DDI2: variants seen among roughly 807,000 people sequenced by gnomAD.
The protein encoded by DDI2 is DDI proteasomal shuttling factor 2.
A neutral mutation model predicts 48.1 loss-of-function variants in DDI2; 5 were observed. The observed-to-expected ratio is 0.10, with a 90% confidence interval of 0.05 to 0.22. The LOEUF (loss-of-function observed/expected upper bound fraction) is 0.22. Among genes scored for constraint, DDI2 ranks in the 10% least tolerant of loss-of-function variants. DDI2 has a pLI of 1.00. For missense variants in DDI2, 285 were observed against 506.2 expected, an observed-to-expected ratio of 0.56 and a Z score of 4.19; for synonymous variants, 205 against 183.6, an observed-to-expected ratio of 1.12 and a Z score of -0.94.
chr1:15,659,768 C>T (rs961141296), intron 9 of DDI2, 69 bp from the exon 10 acceptor site: 2 of 1,439,088 alleles, frequency 1.4e-6, no homozygotes, highest in African/African-American at 2.8e-5. Flanking sequence ...AGATTTGTAT[C>T]CTCTGGTAAT....
chr1:15,633,417 T>G (rs760459097), intron 3 of DDI2, 22 bp from the exon 4 acceptor site: 8 of 1,608,254 alleles, frequency 5.0e-6, no homozygotes, highest in Non-Finnish European at 6.8e-6. Context: ...ATATTTAAGA[T>G]TTTTCTCCCT....
At position 15,646,600 on chromosome 1, in the gene DDI2, T is replaced by G. The variant is rs369586425; in HGVS notation, c.889+2950T>G. ...TATTCGGGAGGCTGAGGCAGGAGAATCGCTTGAACCTGGGAGGCAGAGGTT... is the reference window on the plus strand; with the variant it reads ...TATTCGGGAGGCTGAGGCAGGAGAAGCGCTTGAACCTGGGAGGCAGAGGTT... On this transcript the variant is annotated intron_variant, in intron 6 of 9. Transcript: ENST00000480945. 3.9e-4 allele frequency among the ~76,000 whole-genome samples: 60 copies of G among 152,156 alleles called. 3 individuals carry two copies. Among genetic ancestry groups the G allele is most frequent in the East Asian group, 3.7e-3 (19 of 5,188 alleles).
Position 15,665,722 on chromosome 1 carries a change from T to A in DDI2, c.*5932T>A, listed in dbSNP as rs1024356717. On this transcript the variant is annotated 3_prime_UTR_variant, in exon 10 of 10. Transcript: ENST00000480945. Reference sequence around the variant, plus strand: ...GGTGGCTTTTATCCCGCCACATATATAAATATATATATATATAGCAAACAG... The same window carrying A: ...GGTGGCTTTTATCCCGCCACATATAAAAATATATATATATATAGCAAACAG... 6.6e-6 allele frequency: 1 copy of A among 151,908 alleles called. No individual in the cohort carries two copies. Among genetic ancestry groups the A allele is most frequent in the African/African-American group, 2.4e-5 (1 of 41,242 alleles). The allele number at this position is 151,908 out of a possible 1,614,324, so 9.4% of individuals were successfully genotyped here. A position where few individuals can be genotyped will look rare whatever the true frequency, so the allele number is the denominator to read the frequency against.
rs1640465660 is a variant in DDI2, at chr1:15,667,168, CTG to C, written c.*7380_*7381del. On this transcript the variant is annotated 3_prime_UTR_variant, in exon 10 of 10. Transcript: ENST00000480945. ...GTTGCAGTGAGCCGGGATCACGTCA[CTG>C]TACTCCAGCCTGGGCAAGAGTGAGA... is the stretch of plus-strand genomic sequence containing the variant. The C allele has an allele frequency of 1.3e-5, 2 of 150,716 alleles. No homozygotes were observed. Among genetic ancestry groups the C allele is most frequent in the Admixed American group, 1.3e-4 (2 of 15,108 alleles). 9.3% of individuals were successfully genotyped at this position (150,716 alleles called of 1,614,324 possible). A position where few individuals can be genotyped will look rare whatever the true frequency, so the allele number is the denominator to read the frequency against.
At chr1:15,624,701 C>T (rs1639726153) in intron 1 of DDI2, among the ~76,000 whole-genome samples, 1 of 152,056 alleles carries the variant, frequency 6.6e-6, no homozygotes, top group Non-Finnish European at 1.5e-5. Flanking sequence ...AACTCCAGGG[C>T]TTAACCCATT....
intron 6 of DDI2, among the ~76,000 whole-genome samples, chr1:15,645,588 G>C (rs1004350952): frequency 2.6e-5 from 4 of 151,674 alleles, no homozygotes; most frequent in Non-Finnish European, 5.9e-5. Flanking sequence ...TGGGCCACTG[G>C]CTGGCCGGGA....
intron 6 of DDI2, among the ~76,000 whole-genome samples, chr1:15,648,586 T>A (rs1640125772): frequency 6.6e-6 from 1 of 152,140 alleles, no homozygotes; most frequent in Non-Finnish European, 1.5e-5. Context: ...ATCTAGAAGA[T>A]ATGAGTAGAA....
Position 15,617,778 on chromosome 1 carries a change from C to G in DDI2, c.108C>G (p.Leu36=), listed in dbSNP as rs201337220. The G allele has an allele frequency of 6.7e-5, 107 of 1,607,228 alleles. No individual in the cohort carries two copies. The East Asian group carries it at 2.3e-3, about 34-fold the overall frequency. The part of the protein sequence containing the change: ...ELHNFRALCE[L]ESGIPAAESQ... ...ACAACTTCCGCGCGCTGTGCGAGCT[C>G]GAGTCTGGCATCCCCGCAGCCGAGA... The change falls in exon 1 of 10, where the codon CTC becomes CTG. Residue 36 remains leucine, a synonymous_variant. Transcript: ENST00000480945.
At chr1:15,641,631 T>C (rs1237683260) in intron 5 of DDI2, among the ~76,000 whole-genome samples, 1 of 151,964 alleles carries the variant, frequency 6.6e-6, no homozygotes, top group Non-Finnish European at 1.5e-5. Context: ...GGAATGGCAG[T>C]GTGAGCCAGG....
chr1:15,617,563 G>C lies in DDI2; in HGVS notation c.-108G>C, dbSNP rs1639581423. On this transcript the variant is annotated 5_prime_UTR_variant, in exon 1 of 10. Transcript: ENST00000480945. ...GAGGGAGCGAGCGAGCGAACGAGCA[G>C]CCGGCGCCGTCCTCCCGCAGCACCA... The C allele has an allele frequency of 5.2e-6, 5 of 970,402 alleles. No homozygotes were observed. The highest frequency in any genetic ancestry group is 6.7e-6 in the Non-Finnish European group (5 of 748,914). 60.1% of individuals were successfully genotyped at this position (970,402 alleles called of 1,614,324 possible).
At chr1:15,656,546 C>CTA in intron 8 of DDI2, 71 bp from the exon 9 acceptor site, 1 of 1,613,738 alleles carries the variant, frequency 6.2e-7, no homozygotes. Flanking sequence ...AGAACGGAAA[C>CTA]TATAACCCTG....
chr1:15,633,636 T>C, intron 4 of DDI2, 71 bp downstream of exon 4: 2 of 1,588,890 alleles, frequency 1.3e-6, no homozygotes, highest in Non-Finnish European at 1.7e-6. Flanking sequence ...TTATCTGACA[T>C]TGGTTGGGCA....
rs1301794258 is a variant in DDI2 at position 15,633,761 on chromosome 1, G to A, written c.632+196G>A. The A allele has an allele frequency of 1.1e-5, 8 of 745,160 alleles. No individual in the cohort carries two copies. The South Asian group carries it at 1.1e-4, about 10-fold the overall frequency. The allele number at this position is 745,160 out of a possible 1,614,324, so 46.2% of individuals were successfully genotyped here. ...TCGATTTGACATGACAAAGATATAG[G>A]TGCTTAGTTTAATGACTTTCTTTCT... On this transcript the variant is annotated intron_variant, in intron 4 of 9. Transcript: ENST00000480945.
intron 5 of DDI2, among the ~76,000 whole-genome samples, chr1:15,641,122 TAAG>T (rs1422862704): frequency 6.6e-6 from 1 of 152,152 alleles, no homozygotes; most frequent in Non-Finnish European, 1.5e-5. Context: ...ACTAATCTCA[TAAG>T]GAGTGGAAAC....
intron 2 of DDI2, 91 bp downstream of exon 2, chr1:15,626,889 C>T: frequency 6.7e-7 from 1 of 1,493,438 alleles, no homozygotes; most frequent in Non-Finnish European, 9.2e-7. Context: ...GCTTTGGATT[C>T]AGACTACAGA....
At chr1:15,649,408 TA>T (rs1640144137) in intron 6 of DDI2, among the ~76,000 whole-genome samples, 1 of 145,766 alleles carries the variant, frequency 6.9e-6, no homozygotes, top group Admixed American at 6.8e-5. Context: ...CGGTGGCTCA[TA>T]CCTGTAATCC....
Position 15,617,712 on chromosome 1 carries a change from G to A in DDI2, c.42G>A (p.Glu14=). 1 of 1,610,634 alleles carries A rather than the reference G, an allele frequency of 6.2e-7. No homozygotes were observed. Residue 14 remains glutamate (E), a synonymous_variant, in exon 1 of 10, where the codon GAG becomes GAA. Transcript: ENST00000480945. ...ACTGTGTGCGGAGGGACCTCTCCGA[G>A]GTGACCTTTTCCCTCCAGGTCGACG... ...TVYCVRRDLS[E]VTFSLQVDAD... is the part of the protein sequence containing the mutation.
intron 9 of DDI2, 166 bp downstream of exon 9, chr1:15,656,845 G>T: frequency 1.2e-6 from 1 of 855,520 alleles, no homozygotes; most frequent in South Asian, 1.9e-5. Flanking sequence ...TGCATACATG[G>T]ATATGTAACA....
chr1:15,661,697 C>T lies in DDI2; in HGVS notation c.*1907C>T. 6.2e-7 allele frequency: 1 copy of T among 1,606,654 alleles called. No individual in the cohort carries two copies. The highest frequency in any genetic ancestry group is 8.5e-7 in the Non-Finnish European group (1 of 1,177,026). ...GACCTTGCACTTCTTGTTTTGCTCG[C>T]AAAAAACATCGTAGTTCCTACATGA... On this transcript the variant is annotated 3_prime_UTR_variant, in exon 10 of 10. Coordinates refer to ENST00000480945, the MANE Select transcript of DDI2 (RefSeq NM_032341.5).
Sources: gnomAD v4.1 joint callset for allele counts (sites outside exome capture counted in the v4.1 genomes callset) on GRCh38, gnomAD v4.1.1 for gene constraint, MANE v1.5 for transcripts, NCBI Gene and HGNC (gene_info 2026-07-23, HGNC 2026-07-21) for gene names.